Variants in LRRC31 observed in about 807,000 individuals in gnomAD.
The protein encoded by LRRC31 is leucine-rich repeat-containing protein 31.
A neutral mutation model predicts 46.7 loss-of-function variants in LRRC31; 35 were observed. The ratio of observed to expected loss-of-function variants is 0.75; its 90% CI spans 0.57 to 0.99. The LOEUF is 0.99. Among genes scored for constraint, LRRC31 ranks in the 50% least tolerant of loss-of-function variants. The probability of loss-of-function intolerance (pLI) is 0.00; values close to 1 mark genes in which losing one functional copy is unlikely to be tolerated. For missense variants in LRRC31, 613 were observed against 626.1 expected (o/e 0.98, Z 0.22); for synonymous variants, 236 against 235.1 (o/e 1.00, Z -0.03).
At chr3:169,859,095 A>T (rs1022067412) in intron 3 of LRRC31, among the ~76,000 whole-genome samples, 1 of 147,718 alleles carries the variant, frequency 6.8e-6, no homozygotes, top group African/African-American at 2.5e-5. Flanking sequence ...TAATTACAAA[A>T]ATTAGCCAGG....
At chr3:169,852,235 A>G (rs1436190555) in intron 6 of LRRC31, among the ~76,000 whole-genome samples, 1 of 51,082 alleles carries the variant, frequency 2.0e-5, no homozygotes, top group Non-Finnish European at 3.2e-5. Context: ...CGTCTCTACT[A>G]AAAAAAAAAA....
chr3:169,848,366 C>T, intron 7 of LRRC31, 79 bp from the exon 8 acceptor site: 2 of 1,326,816 alleles, frequency 1.5e-6, no homozygotes, highest in Non-Finnish European at 2.1e-6. Context: ...GGAAACTGGT[C>T]TAGGACAACA....
chr3:169,856,001 C>A (rs1460090170), intron 5 of LRRC31, among the ~76,000 whole-genome samples: 1 of 152,066 alleles, frequency 6.6e-6, no homozygotes, highest in African/African-American at 2.4e-5. Flanking sequence ...CTGCCTCAGC[C>A]TCCCAAGTAG....
chr3:169,868,208 G>A (rs558733088), intron 1 of LRRC31, among the ~76,000 whole-genome samples: 3 of 152,236 alleles, frequency 2.0e-5, no homozygotes, highest in African/African-American at 7.2e-5. Context: ...TCCTGCTTTA[G>A]CATCCCTGAC....
chr3:169,869,773 C>T lies in LRRC31; in HGVS notation c.35G>A (p.Gly12Glu). The T allele has an allele frequency of 3.1e-6, 5 of 1,612,786 alleles. 1 individual carries two copies. The highest frequency in any genetic ancestry group is 2.2e-5 in the South Asian group (2 of 90,360). ...AGTTGAAGTCTGGGGCTTAGTTTCTCCTTCTGAGGAAGTTTTCTTCCTTGT... is the reference window on the plus strand; with the variant it reads ...AGTTGAAGTCTGGGGCTTAGTTTCTTCTTCTGAGGAAGTTTTCTTCCTTGT... ...SQTRKKTSSE[G>E]ETKPQTSTVN... The change falls in exon 1 of 9, where the codon GGA becomes GAA. Residue 12 changes from glycine to glutamate, a missense_variant. Transcript: ENST00000316428.
At chr3:169,847,553 A>G (rs1035184830) in intron 8 of LRRC31, among the ~76,000 whole-genome samples, 1 of 152,208 alleles carries the variant, frequency 6.6e-6, no homozygotes, top group African/African-American at 2.4e-5. Context: ...TCCTTATTCA[A>G]TTATCTTTCC....
rs560600981 is a variant in LRRC31, at chr3:169,869,286, G to A, written c.175+347C>T. 3.9e-5 allele frequency among the ~76,000 whole-genome samples: 6 copies of A among 151,928 alleles called. 1 individual carries two copies. The highest frequency in any genetic ancestry group is 4.2e-4 in the South Asian group (2 of 4,724). On this transcript the variant is annotated intron_variant, in intron 1 of 8. Transcript: ENST00000316428. The stretch of plus-strand genomic sequence containing the variant: ...CTCGGGAGGCTGAGGCAGGAGAATC[G>A]CTTGAACCCGGGAGGCAGAGGTTAC...
rs1444240869 is a variant in LRRC31, at chr3:169,839,651, T to A, written c.*331A>T. ...AAATCTAAACACTTTTGGCAAGGCTTCTAAACAGCAAATGAACTAATTATA... is the reference window on the plus strand; with the variant it reads ...AAATCTAAACACTTTTGGCAAGGCTACTAAACAGCAAATGAACTAATTATA... On this transcript the variant is annotated 3_prime_UTR_variant, in exon 9 of 9. Transcript: ENST00000316428. 6.6e-6 allele frequency: 1 copy of A among 151,944 alleles called. No individual in the cohort carries two copies. Among genetic ancestry groups the A allele is most frequent in the Non-Finnish European group, 1.5e-5 (1 of 68,068 alleles). 9.4% of individuals were successfully genotyped at this position (151,944 alleles called of 1,614,324 possible). A position where few individuals can be genotyped will look rare whatever the true frequency, so the allele number is the denominator to read the frequency against.
chr3:169,865,061 G>C (rs1309312296), intron 1 of LRRC31, among the ~76,000 whole-genome samples: 1 of 151,320 alleles, frequency 6.6e-6, no homozygotes, highest in East Asian at 1.9e-4. Context: ...GGGCAACAGA[G>C]CAAGACTCCA....
chr3:169,846,942 A>G (rs188144055), intron 8 of LRRC31, among the ~76,000 whole-genome samples: 1 of 152,270 alleles, frequency 6.6e-6, no homozygotes, highest in East Asian at 1.9e-4. Context: ...TGCATAACAC[A>G]TGATTTTTAG....
In LRRC31 at chr3:169,856,090, C is replaced by T. The variant is rs944645662; in HGVS notation, c.823+246G>A. Reference sequence around the variant, plus strand: ...TAGAGATGGGGTTTCACCATGTTGGCCAGGCTGGTCTCAAACTCCTGATCT... The same window carrying T: ...TAGAGATGGGGTTTCACCATGTTGGTCAGGCTGGTCTCAAACTCCTGATCT... On this transcript the variant is annotated intron_variant, in intron 5 of 8. Transcript: ENST00000316428. Among the ~76,000 whole-genome samples, 5 of 151,686 alleles carry T rather than the reference C, an allele frequency of 3.3e-5. No individual in the cohort carries two copies. The East Asian group carries it at 9.7e-4, about 29-fold the overall frequency.
At chr3:169,852,676 C>T (rs1293694562) in intron 6 of LRRC31, among the ~76,000 whole-genome samples, 1 of 152,148 alleles carries the variant, frequency 6.6e-6, no homozygotes, top group African/African-American at 2.4e-5. Flanking sequence ...TATCTTTTGG[C>T]TACTTCTCTG....
At chr3:169,854,524 G>C (rs1186866604) in intron 6 of LRRC31, among the ~76,000 whole-genome samples, 1 of 152,122 alleles carries the variant, frequency 6.6e-6, no homozygotes, top group Non-Finnish European at 1.5e-5. Flanking sequence ...AATCAACTTT[G>C]TGACACTAAG....
In LRRC31 at chr3:169,860,699, C is replaced by T; in HGVS notation, c.349G>A (p.Glu117Lys). Residue 117 changes from glutamate to lysine, a missense_variant, in exon 3 of 9, where the codon GAA (glutamate) becomes AAA (lysine). Physicochemically the swap from Glu to Lys is moderately conservative, Grantham distance 56 (BLOSUM62 1). Coordinates refer to ENST00000316428, the MANE Select transcript of LRRC31 (RefSeq NM_024727.4). ...VALLPFLPDL[E>K]ELDISWNGFV... The stretch of plus-strand genomic sequence containing the variant: ...CCATTCCAGGAGATATCCAGTTCTT[C>T]CAAGTCTGGGAGAAAAGGCAGCAAG... 6.2e-7 allele frequency: 1 copy of T among 1,614,036 alleles called. No individual in the cohort carries two copies. The highest frequency in any genetic ancestry group is 8.5e-7 in the Non-Finnish European group (1 of 1,179,980).
chr3:169,841,526 C>T (rs1780448956), intron 8 of LRRC31, among the ~76,000 whole-genome samples: 1 of 152,308 alleles, frequency 6.6e-6, no homozygotes, highest in Non-Finnish European at 1.5e-5. Context: ...GTCTCCCTTC[C>T]TGTCTCGCAA....
chr3:169,861,707 A>G lies in LRRC31; in HGVS notation c.282T>C (p.Asn94=), dbSNP rs1253208933. 3 of 1,614,142 alleles carry G rather than the reference A, an allele frequency of 1.9e-6. No homozygotes were observed. Among genetic ancestry groups the G allele is most frequent in the African/African-American group, 1.3e-5 (1 of 75,038 alleles). Reference sequence around the variant, plus strand: ...TGTCCGCTGTTGTTAATCCACAGTTATTCAAATCTAGACACTTGTTGACAG... The same window carrying G: ...TGTCCGCTGTTGTTAATCCACAGTTGTTCAAATCTAGACACTTGTTGACAG... ...KKAVNKCLDL[N]NCGLTTADMK... is the part of the protein sequence containing the mutation. The change falls in exon 2 of 9, where the codon AAT becomes AAC. Residue 94 remains asparagine (N), a synonymous_variant. Coordinates refer to ENST00000316428, the MANE Select transcript of LRRC31 (RefSeq NM_024727.4).
At chr3:169,864,715 A>G (rs1202535924) in intron 1 of LRRC31, among the ~76,000 whole-genome samples, 1 of 152,192 alleles carries the variant, frequency 6.6e-6, no homozygotes, top group Non-Finnish European at 1.5e-5. Context: ...CTTAAATATA[A>G]ATGTGAGTAC....
chr3:169,861,611 C>A (rs1340653956), intron 2 of LRRC31, 59 bp downstream of exon 2: 4 of 1,564,586 alleles, frequency 2.6e-6, no homozygotes, highest in Non-Finnish European at 3.5e-6. Flanking sequence ...TATGTTTTAT[C>A]TGCTTATCTC....
chr3:169,867,855 TCTGGA>T lies in LRRC31; in HGVS notation c.175+1773_175+1777del, dbSNP rs1781379102. 2.6e-5 allele frequency among the ~76,000 whole-genome samples: 4 copies of T among 152,308 alleles called. No individual in the cohort carries two copies. In the South Asian group the frequency reaches 8.3e-4, roughly 32 times the overall value. ...TAACCCTTGAATTTGCAATCCCTGT[TCTGGA>T]AATTTATACTTTAAAAATAGCTGAA... On this transcript the variant is annotated intron_variant, in intron 1 of 8. Coordinates refer to ENST00000316428, the MANE Select transcript of LRRC31 (RefSeq NM_024727.4).
Sources: gnomAD v4.1 joint callset for allele counts (sites outside exome capture counted in the v4.1 genomes callset) on GRCh38, gnomAD v4.1.1 for gene constraint, MANE v1.5 for transcripts, NCBI Gene and HGNC (gene_info 2026-07-23, HGNC 2026-07-21) for gene names.